Variants in MAN2A1 observed in about 807,000 individuals in gnomAD.
MAN2A1 encodes the protein mannosidase alpha class 2A member 1.
In MAN2A1, 76 loss-of-function variants were observed where a neutral mutation model predicts 142.6. The ratio of observed to expected loss-of-function variants is 0.53; its 90% CI spans 0.44 to 0.65. MAN2A1 has a LOEUF of 0.65. Among genes scored for constraint, MAN2A1 ranks in the 30% least tolerant of loss-of-function variants. MAN2A1 has a pLI of 0.00. For synonymous variants in MAN2A1, 559 were observed against 473.2 expected (o/e 1.18, Z -2.35); for missense variants, 1,311 against 1,365.1 (o/e 0.96, Z 0.62).
chr5:109,835,505 C>T (rs145614839), intron 16 of MAN2A1, among the ~76,000 whole-genome samples: 14 of 152,280 alleles, frequency 9.2e-5, no homozygotes, highest in African/African-American at 3.1e-4. Flanking sequence ...TTCAGTTAAA[C>T]TTTTATTTGC....
Position 109,798,854 on chromosome 5 carries a change from T to G in MAN2A1, c.1943+9327T>G, listed in dbSNP as rs148708611. The stretch of plus-strand genomic sequence containing the variant: ...CCGCCACCACACTGGGCCAATTTTT[T>G]TTGTTGTTGTTGTATTTTTAGTAGA... On this transcript the variant is annotated intron_variant, in intron 12 of 21. Transcript: ENST00000261483. Among the ~76,000 whole-genome samples the G allele has an allele frequency of 1.1e-3, 173 of 152,068 alleles. 3 individuals are homozygous for G. In the East Asian group the frequency reaches 0.026, roughly 23 times the overall value.
rs191249067 is a variant in MAN2A1, at chr5:109,733,269, C to T, written c.707+3756C>T. Among the ~76,000 whole-genome samples, 94 of 152,224 alleles carry T rather than the reference C, an allele frequency of 6.2e-4. 2 individuals are homozygous for T. The South Asian group carries it at 0.011, about 18-fold the overall frequency. The stretch of plus-strand genomic sequence containing the variant: ...AGCTTAAGGAGATTTTGGATTGAGA[C>T]GATGGGGTTTTCTAGATATACAATC... On this transcript the variant is annotated intron_variant, in intron 4 of 21. Transcript: ENST00000261483.
intron 16 of MAN2A1, among the ~76,000 whole-genome samples, chr5:109,832,161 C>CTTTTTTTTTTTT (rs70999945): frequency 4.5e-4 from 23 of 51,212 alleles, no homozygotes; most frequent in East Asian, 1.1e-3. Context: ...AAGGAGTTTT[C>CTTTTTTTTTTTT]TTTTTTTTTT....
chr5:109,842,476 A>G lies in MAN2A1; in HGVS notation c.2700+15A>G, dbSNP rs1160113704. 6.6e-7 allele frequency: 1 copy of G among 1,518,682 alleles called. No individual in the cohort carries two copies. The highest frequency in any genetic ancestry group is 9.0e-7 in the Non-Finnish European group (1 of 1,113,736). The allele number at this position is 1,518,682 out of a possible 1,614,324, so 94.1% of individuals were successfully genotyped here. ...ATGGGTACCAGGTAATTTTTCCTTT[A>G]AAATGTTTAAGTAATGGTTGTATTG... is the stretch of plus-strand genomic sequence containing the variant. On this transcript the variant is annotated intron_variant, in intron 17 of 21. Coordinates refer to ENST00000261483, the MANE Select transcript of MAN2A1 (RefSeq NM_002372.4).
intron 16 of MAN2A1, among the ~76,000 whole-genome samples, chr5:109,828,122 A>G (rs998134586): frequency 6.6e-6 from 1 of 150,458 alleles, no homozygotes. Flanking sequence ...AAAAAAAGAA[A>G]AAAAGAAAAA....
intron 7 of MAN2A1, among the ~76,000 whole-genome samples, chr5:109,773,432 A>G (rs1753201197): frequency 6.6e-6 from 1 of 151,988 alleles, no homozygotes; most frequent in African/African-American, 2.4e-5. Flanking sequence ...TCTTATATCT[A>G]TGATTTATAT....
chr5:109,771,073 A>G (rs1205684909), intron 7 of MAN2A1, among the ~76,000 whole-genome samples: 1 of 152,184 alleles, frequency 6.6e-6, no homozygotes, highest in Non-Finnish European at 1.5e-5. Flanking sequence ...GAATATTTAT[A>G]CTTAAATACA....
chr5:109,837,101 C>T (rs758601348), intron 16 of MAN2A1, among the ~76,000 whole-genome samples: 4 of 147,604 alleles, frequency 2.7e-5, no homozygotes, highest in Non-Finnish European at 6.0e-5. Flanking sequence ...TTTTTTTGTT[C>T]CTAGTGCCAG....
intron 3 of MAN2A1, among the ~76,000 whole-genome samples, chr5:109,726,025 T>G (rs1751734616): frequency 6.6e-6 from 1 of 152,192 alleles, no homozygotes. Context: ...TATTAGCTTT[T>G]TTATGGGTGG....
intron 12 of MAN2A1, among the ~76,000 whole-genome samples, chr5:109,798,075 CAATT>C (rs1418207499): frequency 6.6e-6 from 1 of 152,070 alleles, no homozygotes; most frequent in African/African-American, 2.4e-5. Flanking sequence ...GCATTGGAAA[CAATT>C]AGACGTAGTG....
At chr5:109,803,884 G>A (rs1754095561) in intron 12 of MAN2A1, among the ~76,000 whole-genome samples, 1 of 152,068 alleles carries the variant, frequency 6.6e-6, no homozygotes, top group South Asian at 2.1e-4. Context: ...TGGAGTATGA[G>A]TGATTTTTAA....
rs954569798 is a variant in MAN2A1, at chr5:109,784,828, G to A, written c.1662G>A (p.Thr554=). 8.7e-6 allele frequency: 14 copies of A among 1,612,396 alleles called. No individual in the cohort carries two copies. Among genetic ancestry groups the A allele is most frequent in the Non-Finnish European group, 1.2e-5 (14 of 1,179,272 alleles). Residue 554 remains threonine (T), a synonymous_variant, in exon 10 of 22, where the codon ACG becomes ACA. Coordinates refer to ENST00000261483, the MANE Select transcript of MAN2A1 (RefSeq NM_002372.4). ...AATTTCTCTCATCATCACTTTACAC[G>A]GCACTGACAGAAGCCAGAAGGAATT... ...INKFLSSSLY[T]ALTEARRNLG...
At chr5:109,862,590 CA>C (rs1755783483) in intron 20 of MAN2A1, 1 of 152,144 alleles carries the variant, frequency 6.6e-6, no homozygotes, top group Non-Finnish European at 1.5e-5. Flanking sequence ...GCAGTTCTTC[CA>C]AAATCTGTTT....
intron 4 of MAN2A1, among the ~76,000 whole-genome samples, chr5:109,735,430 T>G (rs1582839669): frequency 6.6e-6 from 1 of 152,226 alleles, no homozygotes; most frequent in East Asian, 1.9e-4. Context: ...GTTAGCTGGT[T>G]ATTTTGCTCG....
intron 1 of MAN2A1, among the ~76,000 whole-genome samples, chr5:109,707,986 A>G (rs1751183741): frequency 6.6e-6 from 1 of 152,102 alleles, no homozygotes; most frequent in East Asian, 1.9e-4. Context: ...TTTCAGCGGG[A>G]GATACAAATA....
intron 4 of MAN2A1, among the ~76,000 whole-genome samples, chr5:109,734,726 G>C (rs1345975044): frequency 6.6e-6 from 1 of 152,168 alleles, no homozygotes; most frequent in Non-Finnish European, 1.5e-5. Context: ...TTGCACTGTG[G>C]TCTGAGAGAC....
At position 109,838,770 on chromosome 5, in the gene MAN2A1, G is replaced by A. The variant is rs1194680461; in HGVS notation, c.2567-3558G>A. On this transcript the variant is annotated intron_variant, in intron 16 of 21. Transcript: ENST00000261483. ...TCTGTCCTGATACAAACTTTAAATT[G>A]ATATCTTGCTGAATTGTGAATGGAC... is the stretch of plus-strand genomic sequence containing the variant. 3.3e-5 allele frequency among the ~76,000 whole-genome samples: 5 copies of A among 152,134 alleles called. 1 individual carries two copies. The highest frequency in any genetic ancestry group is 3.3e-4 in the Admixed American group (5 of 15,284).
intron 3 of MAN2A1, among the ~76,000 whole-genome samples, chr5:109,727,750 A>G (rs2112581337): frequency 6.6e-6 from 1 of 152,208 alleles, no homozygotes. Flanking sequence ...TTAACTTGGT[A>G]GTGTTGGTAT....
chr5:109,846,760 C>T (rs1755354183), intron 18 of MAN2A1, among the ~76,000 whole-genome samples: 1 of 152,172 alleles, frequency 6.6e-6, no homozygotes, highest in Non-Finnish European at 1.5e-5. Flanking sequence ...CGTATACATG[C>T]ATTCTGTATC....
Sources: allele counts gnomAD v4.1 joint callset (sites outside exome capture counted in the v4.1 genomes callset), GRCh38; gene constraint gnomAD v4.1.1; transcripts MANE v1.5; gene names NCBI Gene and HGNC (gene_info 2026-07-23, HGNC 2026-07-21).